ZNF83: variants seen among roughly 807,000 people sequenced by gnomAD.
The protein encoded by ZNF83 is zinc finger protein 83.
For missense variants in ZNF83, 552 were observed against 629.9 expected, an observed-to-expected ratio of 0.88 and a Z score of 1.32; for synonymous variants, 209 against 213.0, an observed-to-expected ratio of 0.98 and a Z score of 0.17.
At chr19:52,617,793 T>G (rs2060372142) in intron 2 of ZNF83, 1 of 151,176 alleles carries the variant, frequency 6.6e-6, no homozygotes, top group African/African-American at 2.4e-5. Context: ...TGCTACACAG[T>G]CCAGGGCTCT....
At chr19:52,614,379 A>G (rs756601169) in exon 3 of ZNF83, 1 of 1,612,864 alleles carries the variant, frequency 6.2e-7, no homozygotes, top group African/African-American at 1.3e-5. Context: ...GGGTTTTGAC[A>G]GTAGAAGAAA....
chr19:52,666,482 A>G (rs1242262535), intron 1 of ZNF83, among the ~76,000 whole-genome samples: 2 of 152,036 alleles, frequency 1.3e-5, no homozygotes, highest in Non-Finnish European at 2.9e-5. Flanking sequence ...AAAATCCTTA[A>G]CCCAGTAAAC....
intron 2 of ZNF83, among the ~76,000 whole-genome samples, chr19:52,658,635 G>A (rs2061538217): frequency 6.6e-6 from 1 of 152,184 alleles, no homozygotes; most frequent in African/African-American, 2.4e-5. Context: ...CCTTTTGGAA[G>A]GCCGAAAGGT....
chr19:52,636,993 G>C (rs13345824), intron 1 of ZNF83: 9,563 of 152,070 alleles, frequency 0.063, 326 homozygotes, highest in African/African-American at 0.071. Context: ...CTCCCTAATT[G>C]TGTACATATC....
intron 2 of ZNF83, among the ~76,000 whole-genome samples, chr19:52,622,522 G>A (rs1290662421): frequency 6.6e-6 from 1 of 152,104 alleles, no homozygotes; most frequent in Admixed American, 6.5e-5. Flanking sequence ...GATCCCTAAT[G>A]GGAATACCAG....
chr19:52,643,435 C>T (rs929774076), intron 3 of ZNF83, among the ~76,000 whole-genome samples: 14 of 151,390 alleles, frequency 9.2e-5, no homozygotes, highest in African/African-American at 3.4e-4. Context: ...GGCATGGTGG[C>T]TCACTCCTGT....
At chr19:52,672,650 G>C (rs2061742303) in intron 1 of ZNF83, among the ~76,000 whole-genome samples, 1 of 152,068 alleles carries the variant, frequency 6.6e-6, no homozygotes, top group Non-Finnish European at 1.5e-5. Flanking sequence ...CCTAGGCTGG[G>C]GTGCAATGGC....
intron 2 of ZNF83, among the ~76,000 whole-genome samples, chr19:52,621,486 T>C (rs2060543006): frequency 6.6e-6 from 1 of 152,160 alleles, no homozygotes; most frequent in African/African-American, 2.4e-5. Flanking sequence ...TGTCTGATTA[T>C]TCACCCACAT....
At chr19:52,687,486 TATAATTTATATAG>T (rs2062045109) in intron 1 of ZNF83, among the ~76,000 whole-genome samples, 1 of 63,274 alleles carries the variant, frequency 1.6e-5, no homozygotes, top group Non-Finnish European at 3.0e-5. Context: ...CTATATAAAT[TATAATTTATATAG>T]ATATATAAAT....
intron 1 of ZNF83, among the ~76,000 whole-genome samples, chr19:52,667,622 T>C (rs6509666): frequency 0.079 from 12,006 of 152,200 alleles, 1,570 homozygotes; most frequent in African/African-American, 0.27. Context: ...AAAATGTTAA[T>C]TGTAAAGGAA....
chr19:52,689,382 G>A (rs973571460), intron 1 of ZNF83, among the ~76,000 whole-genome samples: 5 of 148,928 alleles, frequency 3.4e-5, no homozygotes, highest in African/African-American at 1.2e-4. Context: ...TCTCTTCCCT[G>A]TTATACCCTC....
intron 3 of ZNF83, chr19:52,654,225 A>G: frequency 6.3e-7 from 1 of 1,580,476 alleles, no homozygotes; most frequent in Non-Finnish European, 8.7e-7. Context: ...CTTCATGGCC[A>G]TTTCTTTTAA....
intron 3 of ZNF83, among the ~76,000 whole-genome samples, chr19:52,646,419 C>T (rs2147237488): frequency 6.6e-6 from 1 of 152,212 alleles, no homozygotes; most frequent in South Asian, 2.1e-4. Flanking sequence ...ATTGGTGGCT[C>T]ATGCCTGTGG....
At chr19:52,623,881 A>T (rs1330999378) in intron 2 of ZNF83, among the ~76,000 whole-genome samples, 1 of 152,104 alleles carries the variant, frequency 6.6e-6, no homozygotes, top group East Asian at 1.9e-4. Context: ...GTGCCTTTTA[A>T]ACCAAATTGT....
rs560539992 is a variant in ZNF83 at position 52,675,438 on chromosome 19, C to G, written c.-282-14595G>C. The stretch of plus-strand genomic sequence containing the variant: ...TACAAGGGCTGAGCTGGGACACAAG[C>G]GCTGAGCTGCGCTGCTGACAGTGGT... On this transcript the variant is annotated intron_variant, in intron 1 of 5. Coordinates refer to the ZNF83 transcript ENST00000594682. 4.0e-3 allele frequency among the ~76,000 whole-genome samples: 609 copies of G among 152,234 alleles called. 1 individual carries two copies. Among genetic ancestry groups the G allele is most frequent in the African/African-American group, 0.014 (584 of 41,510 alleles).
At chr19:52,664,690 C>T (rs2061624966) in intron 1 of ZNF83, among the ~76,000 whole-genome samples, 1 of 133,150 alleles carries the variant, frequency 7.5e-6, no homozygotes, top group South Asian at 2.3e-4. Context: ...GGAAGGGATG[C>T]AGATTAAGTG....
At chr19:52,644,410 GAGA>G (rs1221351034) in intron 3 of ZNF83, among the ~76,000 whole-genome samples, 5 of 152,088 alleles carry the variant, frequency 3.3e-5, no homozygotes, top group East Asian at 1.9e-4. Flanking sequence ...GAGTTACCCT[GAGA>G]AGGTCTGAGA....
intron 2 of ZNF83, among the ~76,000 whole-genome samples, chr19:52,630,025 C>A (rs574908409): frequency 2.4e-3 from 370 of 152,276 alleles, no homozygotes; most frequent in Non-Finnish European, 4.1e-3. Flanking sequence ...CCTCCAGAAC[C>A]TCCTCCCCCA....
chr19:52,641,935 G>C (rs1440667080), upstream of ZNF83, among the ~76,000 whole-genome samples: 2 of 152,144 alleles, frequency 1.3e-5, no homozygotes, highest in Non-Finnish European at 2.9e-5. Context: ...AACTGGAATT[G>C]GGGGGCTTCC....
Sources: allele counts gnomAD v4.1 joint callset (sites outside exome capture counted in the v4.1 genomes callset), GRCh38; gene constraint gnomAD v4.1.1; transcripts MANE v1.5; gene names NCBI Gene and HGNC (gene_info 2026-07-23, HGNC 2026-07-21).